Variants in GRM8 observed in about 807,000 individuals in gnomAD.
GRM8 encodes the protein glutamate metabotropic receptor 8.
A neutral mutation model predicts 87.2 loss-of-function variants in GRM8; 47 were observed. That is an observed-to-expected ratio of 0.54 (90% CI 0.43 to 0.69). GRM8 has a LOEUF of 0.69. GRM8 is among the 30% of genes least tolerant of loss of function. The pLI is 0.00. For synonymous variants in GRM8, 396 were observed against 404.5 expected, an observed-to-expected ratio of 0.98 and a Z score of 0.25; for missense variants, 1,019 against 1,139.2, an observed-to-expected ratio of 0.89 and a Z score of 1.52.
At chr7:127,044,074 T>TC (rs148510057) in intron 3 of GRM8, among the ~76,000 whole-genome samples, 274 of 152,266 alleles carry the variant, frequency 1.8e-3, no homozygotes, top group African/African-American at 6.3e-3. Flanking sequence ...AGGAAGGGGT[T>TC]CCCCCAGCAG....
In GRM8 at chr7:126,446,126, T is replaced by C. The variant is rs1801992134; in HGVS notation, c.2677A>G (p.Thr893Ala). 1 of 1,612,716 alleles carries C rather than the reference T, an allele frequency of 6.2e-7. No individual in the cohort carries two copies. The change falls in exon 10 of 11, where the codon ACT (threonine) becomes GCT (alanine). Residue 893 changes from threonine to alanine, a missense_variant and splice_region_variant. Physicochemically the swap from Thr to Ala is moderately conservative, Grantham distance 58 (BLOSUM62 0). Transcript: ENST00000339582. ...ATCGGAAACTCTACAGATGACTTAC[T>C]GTTGGTTTCAAGACTCTCACAGAGT... is the stretch of plus-strand genomic sequence containing the variant. ...SELCESLETN[T>A]SSTKTTYISY...
chr7:126,814,712 T>G (rs1405356771), intron 6 of GRM8, among the ~76,000 whole-genome samples: 3 of 150,658 alleles, frequency 2.0e-5, no homozygotes, highest in Non-Finnish European at 4.4e-5. Flanking sequence ...CTTTTTTTTT[T>G]GTCTATTATA....
chr7:127,013,136 C>T (rs1815064688), intron 3 of GRM8, among the ~76,000 whole-genome samples: 1 of 152,106 alleles, frequency 6.6e-6, no homozygotes, highest in African/African-American at 2.4e-5. Flanking sequence ...CCAAAGTTAC[C>T]CTGATATCCC....
At chr7:127,223,348 A>G (rs1797062050) in intron 2 of GRM8, among the ~76,000 whole-genome samples, 1 of 152,108 alleles carries the variant, frequency 6.6e-6, no homozygotes, top group African/African-American at 2.4e-5. Context: ...CCAAAGAACC[A>G]GGAAAGGGGC....
At chr7:127,230,074 G>A (rs147796991) in intron 2 of GRM8, among the ~76,000 whole-genome samples, 1 of 152,042 alleles carries the variant, frequency 6.6e-6, no homozygotes, top group Non-Finnish European at 1.5e-5. Context: ...GGAAAGGGTT[G>A]GGGGGAGGGA....
At chr7:126,503,271 T>A (rs78345232) in intron 9 of GRM8, among the ~76,000 whole-genome samples, 2 of 152,050 alleles carry the variant, frequency 1.3e-5, no homozygotes, top group Non-Finnish European at 2.9e-5. Flanking sequence ...AAGGCAGTCA[T>A]GCCAGAGTAC....
chr7:126,722,602 G>C (rs79415799), intron 7 of GRM8, among the ~76,000 whole-genome samples: 1 of 152,040 alleles, frequency 6.6e-6, no homozygotes, highest in South Asian at 2.1e-4. Context: ...CCAACTCTCT[G>C]CTACTGCTTA....
intron 6 of GRM8, among the ~76,000 whole-genome samples, chr7:126,863,987 T>C (rs1403809628): frequency 6.6e-6 from 1 of 150,488 alleles, no homozygotes; most frequent in Non-Finnish European, 1.5e-5. Context: ...TATATAAACA[T>C]ATACAAATAT....
At chr7:126,745,887 G>A (rs887257568) in intron 7 of GRM8, among the ~76,000 whole-genome samples, 1 of 151,442 alleles carries the variant, frequency 6.6e-6, no homozygotes, top group Non-Finnish European at 1.5e-5. Flanking sequence ...TTCCATTTAT[G>A]GCATCTCTAT....
rs17875031 is a variant in GRM8, at chr7:127,166,886, C to T, written c.511-60174G>A. On this transcript the variant is annotated intron_variant, in intron 2 of 10. Transcript: ENST00000339582. ...CTAGTATTGGTCACCTTCAAGTGCC[C>T]TCTGGTGTAACTTATTTTAATCTTC... 2.5e-3 allele frequency among the ~76,000 whole-genome samples: 384 copies of T among 152,116 alleles called. 1 individual carries two copies. The highest frequency in any genetic ancestry group is 8.9e-3 in the African/African-American group (370 of 41,478).
At chr7:126,875,665 A>G (rs1799471015) in intron 6 of GRM8, among the ~76,000 whole-genome samples, 1 of 152,118 alleles carries the variant, frequency 6.6e-6, no homozygotes, top group Admixed American at 6.5e-5. Flanking sequence ...TATGTCATAC[A>G]CAATAAATCA....
chr7:126,506,379 T>C (rs1252828963), intron 9 of GRM8, among the ~76,000 whole-genome samples: 1 of 152,048 alleles, frequency 6.6e-6, no homozygotes, highest in Non-Finnish European at 1.5e-5. Context: ...ACAAAACTCT[T>C]ACCTTCACGA....
chr7:126,878,076 C>T (rs1047183964), intron 6 of GRM8, among the ~76,000 whole-genome samples: 1 of 152,166 alleles, frequency 6.6e-6, no homozygotes, highest in Non-Finnish European at 1.5e-5. Flanking sequence ...AACTCCAAAG[C>T]CCATGCCCTT....
At chr7:126,716,535 C>T (rs1811764009) in intron 7 of GRM8, among the ~76,000 whole-genome samples, 1 of 152,244 alleles carries the variant, frequency 6.6e-6, no homozygotes, top group Non-Finnish European at 1.5e-5. Context: ...GAACGTATGA[C>T]TTCATGATGC....
chr7:126,744,871 T>A (rs1378174956), intron 7 of GRM8, among the ~76,000 whole-genome samples: 1 of 151,978 alleles, frequency 6.6e-6, no homozygotes, highest in Non-Finnish European at 1.5e-5. Context: ...AAGGGATTTT[T>A]AAAATTGTCA....
chr7:126,874,689 A>T (rs1183337601), intron 6 of GRM8, among the ~76,000 whole-genome samples: 1 of 152,082 alleles, frequency 6.6e-6, no homozygotes, highest in Admixed American at 6.5e-5. Flanking sequence ...AGAATCCCAA[A>T]CCATGTCTGT....
In GRM8 at chr7:126,664,134, G is replaced by A. The variant is rs142249164; in HGVS notation, c.1358-54636C>T. Among the ~76,000 whole-genome samples the A allele has an allele frequency of 3.6e-3, 541 of 152,220 alleles. 4 individuals carry two copies. Among genetic ancestry groups the A allele is most frequent in the African/African-American group, 0.013 (521 of 41,524 alleles). On this transcript the variant is annotated intron_variant, in intron 7 of 10. Coordinates refer to ENST00000339582, the MANE Select transcript of GRM8 (RefSeq NM_000845.3). ...TACAAGACACTGCTGAAAGAAATCA[G>A]AGATGACACAAACAAAACAAAAAAC...
At chr7:127,035,243 T>C (rs1563436588) in intron 3 of GRM8, among the ~76,000 whole-genome samples, 1 of 152,154 alleles carries the variant, frequency 6.6e-6, no homozygotes, top group Non-Finnish European at 1.5e-5. Flanking sequence ...GAAAACACCA[T>C]AGAATCATTT....
intron 3 of GRM8, among the ~76,000 whole-genome samples, chr7:127,068,930 G>C (rs1460318254): frequency 6.6e-6 from 1 of 152,154 alleles, no homozygotes; most frequent in Admixed American, 6.5e-5. Flanking sequence ...TGTGTGGACA[G>C]AGAAAAGCTC....
Sources: gnomAD v4.1 joint callset for allele counts (sites outside exome capture counted in the v4.1 genomes callset) on GRCh38, gnomAD v4.1.1 for gene constraint, MANE v1.5 for transcripts, NCBI Gene and HGNC (gene_info 2026-07-23, HGNC 2026-07-21) for gene names.